GARIN5A: variants seen among roughly 807,000 people sequenced by gnomAD.
GARIN5A encodes the protein Golgi-associated RAB2 interactor protein 5A.
At chr19:50,471,970 A>G in the GARIN5A span, among the ~76,000 whole-genome samples, 4 of 151,242 alleles carry the variant, frequency 2.6e-5, no homozygotes, top group East Asian at 7.8e-4. Flanking sequence ...ATGTATATAT[A>G]CATGTATGTG....
the GARIN5A span, chr19:50,476,092 C>A: frequency 6.2e-7 from 1 of 1,611,008 alleles, no homozygotes; most frequent in South Asian, 1.1e-5. Context: ...GTTCCTTCAC[C>A]AGGTCCAACC....
the GARIN5A span, chr19:50,476,306 T>A: frequency 6.3e-7 from 1 of 1,596,612 alleles, no homozygotes; most frequent in Non-Finnish European, 8.5e-7. Context: ...CTTTATGACG[T>A]CACACAAGAG....
the GARIN5A span, among the ~76,000 whole-genome samples, chr19:50,469,683 T>C: frequency 4.6e-3 from 703 of 152,236 alleles, 9 homozygotes; most frequent in African/African-American, 0.016. Context: ...TTGGCTCAGG[T>C]CACACAGCCA....
chr19:50,472,080 ATGTG>A, the GARIN5A span, among the ~76,000 whole-genome samples: 73 of 138,938 alleles, frequency 5.3e-4, 1 homozygote, highest in African/African-American at 1.9e-3. Context: ...GTATATATAC[ATGTG>A]TGTATATGTA....
At chr19:50,475,265 G>C in the GARIN5A span, 4 of 1,515,678 alleles carry the variant, frequency 2.6e-6, no homozygotes, top group Admixed American at 3.9e-5. Flanking sequence ...GGTACTGCTG[G>C]GGGCTCAGGT....
chr19:50,469,335 C>T, the GARIN5A span, among the ~76,000 whole-genome samples: 3 of 152,180 alleles, frequency 2.0e-5, no homozygotes, highest in Admixed American at 6.5e-5. Flanking sequence ...GGATGTCTCC[C>T]CTGGCCTATT....
chr19:50,476,829 T>A, the GARIN5A span: 1 of 522,122 alleles, frequency 1.9e-6, no homozygotes, highest in Non-Finnish European at 3.3e-6. Flanking sequence ...GCCTCGCCAG[T>A]GCACCGGGTT....
At chr19:50,472,250 T>TACAC in the GARIN5A span, among the ~76,000 whole-genome samples, 12 of 105,314 alleles carry the variant, frequency 1.1e-4, no homozygotes, top group African/African-American at 5.8e-4. Flanking sequence ...GTATTATATA[T>TACAC]ACATGTATGT....
chr19:50,476,161 T>C, the GARIN5A span: 58 of 1,613,546 alleles, frequency 3.6e-5, no homozygotes, highest in Non-Finnish European at 4.8e-5. Flanking sequence ...CCTCGCCAGC[T>C]CCACCCAGGG....
chr19:50,476,524 C>T, the GARIN5A span: 92 of 1,569,322 alleles, frequency 5.9e-5, no homozygotes, highest in East Asian at 2.0e-3. Flanking sequence ...GCCGTCCCTT[C>T]GCTGGTGGGA....
At chr19:50,470,989 G>T in the GARIN5A span, among the ~76,000 whole-genome samples, 1 of 151,768 alleles carries the variant, frequency 6.6e-6, no homozygotes, top group South Asian at 2.1e-4. Context: ...TTTGAGAAAG[G>T]GTCCTGTTCC....
chr19:50,472,226 A>G, the GARIN5A span, among the ~76,000 whole-genome samples: 9 of 80,036 alleles, frequency 1.1e-4, no homozygotes, highest in African/African-American at 3.2e-4. Flanking sequence ...GTATGTATAT[A>G]TACATGTATG....
At chr19:50,476,485 C>T in the GARIN5A span, 2 of 1,572,906 alleles carry the variant, frequency 1.3e-6, no homozygotes, top group Non-Finnish European at 1.7e-6. Flanking sequence ...CCTGTTCCTC[C>T]CGGCGTGCTC....
the GARIN5A span, among the ~76,000 whole-genome samples, chr19:50,473,720 C>T: frequency 6.6e-6 from 1 of 152,076 alleles, no homozygotes; most frequent in Non-Finnish European, 1.5e-5. Context: ...GGCATGGTAG[C>T]TCATGCCTGT....
the GARIN5A span, among the ~76,000 whole-genome samples, chr19:50,467,186 C>A: frequency 2.6e-5 from 4 of 152,146 alleles, no homozygotes; most frequent in African/African-American, 9.7e-5. Flanking sequence ...TCCTTCAGGG[C>A]ACAGGTTGTC....
chr19:50,472,325 A>C, the GARIN5A span, among the ~76,000 whole-genome samples: 2 of 149,192 alleles, frequency 1.3e-5, no homozygotes, highest in African/African-American at 5.0e-5. Flanking sequence ...GTGTGTATAT[A>C]TATATCTCTC....
At chr19:50,471,986 ATG>A in the GARIN5A span, among the ~76,000 whole-genome samples, 794 of 150,082 alleles carry the variant, frequency 5.3e-3, 12 homozygotes, top group African/African-American at 0.019. Flanking sequence ...ATGTGTGTAT[ATG>A]TATATATACG....
At chr19:50,476,689 G>A in the GARIN5A span, 4 of 1,378,456 alleles carry the variant, frequency 2.9e-6, no homozygotes, top group East Asian at 2.7e-5. Flanking sequence ...CATAGCGGGC[G>A]CGGTCTACGG....
the GARIN5A span, among the ~76,000 whole-genome samples, chr19:50,470,931 G>C: frequency 6.6e-6 from 1 of 151,882 alleles, no homozygotes; most frequent in Non-Finnish European, 1.5e-5. Context: ...TGGAATTACA[G>C]GTGTGACCAC....
Sources: gnomAD v4.1 joint callset for allele counts (sites outside exome capture counted in the v4.1 genomes callset) on GRCh38, gnomAD v4.1.1 for gene constraint, MANE v1.5 for transcripts, NCBI Gene and HGNC (gene_info 2026-07-23, HGNC 2026-07-21) for gene names.